The following PLCB4 variants were observed in gnomAD, a reference collection of about 807,000 sequenced individuals.
The protein encoded by PLCB4 is 1-phosphatidylinositol 4,5-bisphosphate phosphodiesterase beta-4.
In PLCB4, 77 loss-of-function variants were observed where a neutral mutation model predicts 178.8. The observed-to-expected ratio is 0.43, with a 90% CI of 0.36 to 0.52. The LOEUF (loss-of-function observed/expected upper bound fraction) is 0.52. Among genes scored for constraint, PLCB4 ranks in the 20% least tolerant of loss-of-function variants. The pLI is 0.00. For synonymous variants in PLCB4, 496 were observed against 490.8 expected (o/e 1.01, Z -0.14); for missense variants, 1,024 against 1,453.4 (o/e 0.70, Z 4.80).
At chr20:9,122,044 G>A (rs2091975042) in intron 2 of PLCB4, among the ~76,000 whole-genome samples, 2 of 152,192 alleles carry the variant, frequency 1.3e-5, no homozygotes, top group South Asian at 4.1e-4. Context: ...ACATGAGTGT[G>A]TTGTTTGGTT....
intron 20 of PLCB4, among the ~76,000 whole-genome samples, chr20:9,403,684 T>G (rs2039216704): frequency 6.6e-6 from 1 of 152,148 alleles, no homozygotes; most frequent in Admixed American, 6.5e-5. Flanking sequence ...TGAACAGAGG[T>G]TGAATAGTTG....
chr20:9,283,707 G>A (rs1368684662), intron 3 of PLCB4, among the ~76,000 whole-genome samples: 1 of 151,800 alleles, frequency 6.6e-6, no homozygotes, highest in Non-Finnish European at 1.5e-5. Context: ...GAGTTTGTTA[G>A]GATAGAGTCT....
chr20:9,298,430 T>C (rs1281402454), intron 3 of PLCB4, among the ~76,000 whole-genome samples: 2 of 152,108 alleles, frequency 1.3e-5, no homozygotes, highest in Non-Finnish European at 2.9e-5. Context: ...AGGAAAGATA[T>C]TACTTTTTCT....
intron 3 of PLCB4, among the ~76,000 whole-genome samples, chr20:9,226,025 T>A (rs1487371836): frequency 6.6e-6 from 1 of 152,160 alleles, no homozygotes; most frequent in East Asian, 1.9e-4. Flanking sequence ...ACCTTGCAGA[T>A]CAGCTGCTTC....
intron 7 of PLCB4, among the ~76,000 whole-genome samples, chr20:9,353,474 T>G (rs1208590472): frequency 6.6e-6 from 1 of 152,238 alleles, no homozygotes; most frequent in Non-Finnish European, 1.5e-5. Context: ...AAGAGAGAAC[T>G]TGTTTAATTT....
At chr20:9,424,518 C>T (rs1407340026) in intron 28 of PLCB4, among the ~76,000 whole-genome samples, 1 of 152,126 alleles carries the variant, frequency 6.6e-6, no homozygotes, top group Admixed American at 6.6e-5. Context: ...TAAGCCAATA[C>T]ATTAAAAGAA....
chr20:9,359,919 A>G (rs1031039051), intron 7 of PLCB4, among the ~76,000 whole-genome samples: 1 of 152,072 alleles, frequency 6.6e-6, no homozygotes, highest in Non-Finnish European at 1.5e-5. Context: ...ACTTTATGTT[A>G]AAAAAACCCC....
At chr20:9,395,692 A>T in intron 19 of PLCB4, 74 bp downstream of exon 19, 1 of 1,081,926 alleles carries the variant, frequency 9.2e-7, no homozygotes, top group East Asian at 2.6e-5. Flanking sequence ...GGCTGGGCAC[A>T]GTGGCTCAAG....
chr20:9,347,028 G>A (rs1322872461), intron 7 of PLCB4, among the ~76,000 whole-genome samples: 1 of 152,180 alleles, frequency 6.6e-6, no homozygotes, highest in Non-Finnish European at 1.5e-5. Context: ...ATCCGTGATG[G>A]CGCTCTCTGA....
intron 7 of PLCB4, among the ~76,000 whole-genome samples, chr20:9,341,391 C>T (rs1286825985): frequency 6.6e-6 from 1 of 152,094 alleles, no homozygotes; most frequent in African/African-American, 2.4e-5. Flanking sequence ...AGTCAATTCA[C>T]ATACTTTTTG....
rs891806445 is a variant in PLCB4, at chr20:9,303,009, C to T, written c.-15-4791C>T. Among the ~76,000 whole-genome samples, 5 of 152,028 alleles carry T rather than the reference C, an allele frequency of 3.3e-5. No individual in the cohort carries two copies. In the East Asian group the frequency reaches 5.8e-4, roughly 18 times the overall value. On this transcript the variant is annotated intron_variant, in intron 3 of 39. Coordinates refer to ENST00000378473, the MANE Select transcript of PLCB4 (RefSeq NM_001377142.1). ...AATTCTGCAGAAAAGAGATGTTTTG[C>T]CCACCATTCTTCACAGCCTGGCAAA...
intron 4 of PLCB4, among the ~76,000 whole-genome samples, chr20:9,312,396 ACGCACG>A (rs2094847320): frequency 6.8e-6 from 1 of 146,506 alleles, no homozygotes; most frequent in African/African-American, 2.6e-5. Flanking sequence ...ACACACACAC[ACGCACG>A]CACTCACACA....
chr20:9,444,000 A>G lies in PLCB4; in HGVS notation c.2784A>G (p.Gln928=), dbSNP rs750344774. The change falls in exon 31 of 40, where the codon CAA becomes CAG. Residue 928 remains glutamine (Q), a synonymous_variant. Coordinates refer to ENST00000378473, the MANE Select transcript of PLCB4 (RefSeq NM_001377142.1). ...EAKKGIELIP[Q]VRIEDLKQMK... ...GTTTAGGTATTGAACTTATCCCTCA[A>G]GTAAGGATAGAAGACTTAAAGCAGA... The G allele has an allele frequency of 6.3e-7, 1 of 1,599,734 alleles. No individual in the cohort carries two copies. The highest frequency in any genetic ancestry group is 1.3e-5 in the African/African-American group (1 of 74,428).
chr20:9,294,672 T>C (rs753194269), intron 3 of PLCB4, among the ~76,000 whole-genome samples: 3 of 152,148 alleles, frequency 2.0e-5, no homozygotes, highest in Non-Finnish European at 4.4e-5. Flanking sequence ...TGCTGGAGAC[T>C]TGATCTAAGG....
chr20:9,352,231 T>C lies in PLCB4; in HGVS notation c.370-10665T>C, dbSNP rs143471510. On this transcript the variant is annotated intron_variant, in intron 7 of 39. Transcript: ENST00000378473. Reference sequence around the variant, plus strand: ...GACTTTCAGGCACTAAAGAACATCATGTGTTGTATATCTAAATCAGAAGCA... The same window carrying C: ...GACTTTCAGGCACTAAAGAACATCACGTGTTGTATATCTAAATCAGAAGCA... Among the ~76,000 whole-genome samples, 4 of 152,338 alleles carry C rather than the reference T, an allele frequency of 2.6e-5. No homozygotes were observed. In the East Asian group the frequency reaches 7.7e-4, roughly 29 times the overall value.
At chr20:9,153,496 G>A (rs1030948799) in intron 2 of PLCB4, among the ~76,000 whole-genome samples, 1 of 152,128 alleles carries the variant, frequency 6.6e-6, no homozygotes, top group Non-Finnish European at 1.5e-5. Context: ...TCTTGCTGCT[G>A]CCATGTAAGA....
chr20:9,185,524 C>T (rs1248623501), intron 2 of PLCB4, among the ~76,000 whole-genome samples: 1 of 152,124 alleles, frequency 6.6e-6, no homozygotes, highest in Non-Finnish European at 1.5e-5. Flanking sequence ...GGTCTCTTCT[C>T]ATCCTGGCTT....
chr20:9,343,306 T>C (rs2033441838), intron 7 of PLCB4, among the ~76,000 whole-genome samples: 1 of 152,184 alleles, frequency 6.6e-6, no homozygotes, highest in Admixed American at 6.5e-5. Flanking sequence ...TTGAACTTAG[T>C]GTCTTTTATA....
In PLCB4 at chr20:9,147,139, G is replaced by C. The variant is rs147647568; in HGVS notation, c.-79+50797G>C. On this transcript the variant is annotated intron_variant, in intron 2 of 39. Coordinates refer to ENST00000378473, the MANE Select transcript of PLCB4 (RefSeq NM_001377142.1). Reference sequence around the variant, plus strand: ...GGGGTCTAAGGCTAGGGGAGAATCCGATTAGGGAATCATACTTGGAGGTCT... The same window carrying C: ...GGGGTCTAAGGCTAGGGGAGAATCCCATTAGGGAATCATACTTGGAGGTCT... Among the ~76,000 whole-genome samples the C allele has an allele frequency of 2.7e-3, 418 of 152,250 alleles. 2 individuals carry two copies. Among genetic ancestry groups the C allele is most frequent in the African/African-American group, 9.9e-3 (411 of 41,574 alleles).
Sources: gnomAD v4.1 joint callset for allele counts (sites outside exome capture counted in the v4.1 genomes callset) on GRCh38, gnomAD v4.1.1 for gene constraint, MANE v1.5 for transcripts, NCBI Gene and HGNC (gene_info 2026-07-23, HGNC 2026-07-21) for gene names.